COMMD7: variants seen among roughly 807,000 people sequenced by gnomAD.
COMMD7 encodes the protein COMM domain containing 7.
In COMMD7, 28 loss-of-function variants were observed where a neutral mutation model predicts 34.8. The ratio of observed to expected loss-of-function variants is 0.80; its 90% CI spans 0.60 to 1.10. The LOEUF is 1.10. COMMD7 is among the 50% of genes least tolerant of loss of function. COMMD7 has a pLI of 0.00. For missense variants in COMMD7, 211 were observed against 241.6 expected (o/e 0.87, Z 0.84); for synonymous variants, 80 against 86.4 (o/e 0.93, Z 0.41).
chr20:32,722,325 C>T (rs1985222816), intron 3 of COMMD7, among the ~76,000 whole-genome samples: 1 of 147,514 alleles, frequency 6.8e-6, no homozygotes, highest in Non-Finnish European at 1.5e-5. Flanking sequence ...GGACACTAGA[C>T]AGAGGTCTCC....
At chr20:32,716,114 G>A (rs1482749212) in intron 3 of COMMD7, among the ~76,000 whole-genome samples, 1 of 152,138 alleles carries the variant, frequency 6.6e-6, no homozygotes, top group Non-Finnish European at 1.5e-5. Flanking sequence ...GCCACGTGCT[G>A]GACTGGAGTC....
chr20:32,735,030 G>C (rs1027602342), intron 1 of COMMD7, among the ~76,000 whole-genome samples: 1 of 151,950 alleles, frequency 6.6e-6, no homozygotes, highest in Non-Finnish European at 1.5e-5. Context: ...CTTTGGTCAG[G>C]AGTTCAAGAC....
chr20:32,726,531 G>A (rs1367273555), intron 3 of COMMD7, among the ~76,000 whole-genome samples: 2 of 151,944 alleles, frequency 1.3e-5, no homozygotes, highest in East Asian at 1.9e-4. Flanking sequence ...GTGAAACCCT[G>A]TCTCTACTAA....
chr20:32,706,842 T>A, intron 3 of COMMD7, 82 bp from the exon 4 acceptor site: 1 of 1,154,914 alleles, frequency 8.7e-7, no homozygotes, highest in Non-Finnish European at 1.3e-6. Context: ...ACAACCTATG[T>A]GACCTAAAGG....
intron 3 of COMMD7, among the ~76,000 whole-genome samples, chr20:32,718,264 C>T (rs1386539319): frequency 4.6e-5 from 7 of 151,674 alleles, no homozygotes; most frequent in African/African-American, 1.7e-4. Flanking sequence ...ATTGGCCGGG[C>T]GTGGTGGCGG....
intron 6 of COMMD7, 38 bp from the exon 7 acceptor site, chr20:32,704,527 A>AGAG: frequency 6.3e-7 from 1 of 1,590,456 alleles, no homozygotes. Context: ...AGAGAGAGAG[A>AGAG]AATAACAAGT....
At chr20:32,709,344 A>G (rs1238589252) in intron 3 of COMMD7, among the ~76,000 whole-genome samples, 2 of 151,710 alleles carry the variant, frequency 1.3e-5, no homozygotes. Flanking sequence ...CTGAGGGTGC[A>G]GTGAGCAGAG....
At chr20:32,704,626 GC>G (rs1393824363) in intron 6 of COMMD7, 137 bp from the exon 7 acceptor site, 15 of 977,010 alleles carry the variant, frequency 1.5e-5, no homozygotes, top group Non-Finnish European at 2.1e-5. Context: ...AGCAAGGTGT[GC>G]TTTTGGAAAG....
intron 1 of COMMD7, among the ~76,000 whole-genome samples, chr20:32,735,267 T>A (rs554064316): frequency 6.6e-6 from 1 of 151,902 alleles, no homozygotes; most frequent in South Asian, 2.1e-4. Flanking sequence ...GATACTCATA[T>A]ATATGCTGGC....
chr20:32,713,879 G>C (rs1044813719), intron 3 of COMMD7, among the ~76,000 whole-genome samples: 1 of 152,192 alleles, frequency 6.6e-6, no homozygotes, highest in African/African-American at 2.4e-5. Flanking sequence ...ACTTTGGGAG[G>C]CCGAGGCAGG....
At chr20:32,739,622 G>A (rs1309044901) in intron 1 of COMMD7, among the ~76,000 whole-genome samples, 2 of 108,660 alleles carry the variant, frequency 1.8e-5, no homozygotes, top group Non-Finnish European at 3.7e-5. Flanking sequence ...TCCAGCCTCG[G>A]TGACAGAGCA....
chr20:32,718,788 A>G (rs1984972516), intron 3 of COMMD7, among the ~76,000 whole-genome samples: 1 of 150,676 alleles, frequency 6.6e-6, no homozygotes, highest in Admixed American at 6.6e-5. Flanking sequence ...GCCAAAAAAA[A>G]AAAAAGAAAC....
chr20:32,705,302 G>GCATATATATGTGTATATATATACATA (rs1327164319), intron 5 of COMMD7, among the ~76,000 whole-genome samples: 2 of 145,740 alleles, frequency 1.4e-5, no homozygotes, highest in Non-Finnish European at 3.0e-5. Flanking sequence ...GAGAAAGGAG[G>GCATATATATGTGTATATATATACATA]CATATATATG....
chr20:32,706,337 C>A (rs1211898121), intron 5 of COMMD7, among the ~76,000 whole-genome samples: 2 of 151,690 alleles, frequency 1.3e-5, no homozygotes, highest in Non-Finnish European at 2.9e-5. Flanking sequence ...CACAGCGAAA[C>A]CCCGTCTCTA....
chr20:32,712,384 T>C (rs1984515019), intron 3 of COMMD7, among the ~76,000 whole-genome samples: 1 of 151,488 alleles, frequency 6.6e-6, no homozygotes, highest in Non-Finnish European at 1.5e-5. Context: ...GGCATGCATC[T>C]GTAGTCCCAG....
intron 1 of COMMD7, among the ~76,000 whole-genome samples, chr20:32,742,800 C>A (rs1055828147): frequency 1.3e-5 from 2 of 152,104 alleles, no homozygotes; most frequent in Non-Finnish European, 2.9e-5. Context: ...GACGGCAGCC[C>A]AGGCCAAGCT....
chr20:32,720,703 G>C (rs770230418), intron 3 of COMMD7, among the ~76,000 whole-genome samples: 17 of 152,280 alleles, frequency 1.1e-4, no homozygotes, highest in African/African-American at 3.4e-4. Flanking sequence ...CTACTCAGGA[G>C]GCTGAAGCAG....
intron 1 of COMMD7, among the ~76,000 whole-genome samples, chr20:32,728,447 TACACAC>T (rs112717200): frequency 0.46 from 68,603 of 150,752 alleles, 15,735 homozygotes; most frequent in Middle Eastern, 0.51. Context: ...CAGACAGACA[TACACAC>T]ACACACACAC....
intron 3 of COMMD7, among the ~76,000 whole-genome samples, chr20:32,712,625 AAG>A (rs1568776656): frequency 6.6e-6 from 1 of 151,318 alleles, no homozygotes; most frequent in African/African-American, 2.4e-5. Context: ...AAAAAAAAAA[AAG>A]AAAATTGTGT....
Sources: gnomAD v4.1 joint callset for allele counts (sites outside exome capture counted in the v4.1 genomes callset) on GRCh38, gnomAD v4.1.1 for gene constraint, MANE v1.5 for transcripts, NCBI Gene and HGNC (gene_info 2026-07-23, HGNC 2026-07-21) for gene names.